SVIL: variants seen among roughly 807,000 people sequenced by gnomAD.
SVIL encodes the protein archvillin.
A neutral mutation model predicts 240.4 loss-of-function variants in SVIL; 101 were observed. The observed-to-expected ratio is 0.42, with a 90% CI of 0.36 to 0.50. The LOEUF is 0.50. Among genes scored for constraint, SVIL ranks in the 20% least tolerant of loss-of-function variants. The pLI is 0.01. For missense variants in SVIL, 2,512 were observed against 2,818.7 expected, an observed-to-expected ratio of 0.89 and a Z score of 2.46; for synonymous variants, 999 against 1,100.0, an observed-to-expected ratio of 0.91 and a Z score of 1.82.
At chr10:29,551,593 T>C (rs1953342797) in intron 5 of SVIL, among the ~76,000 whole-genome samples, 1 of 152,176 alleles carries the variant, frequency 6.6e-6, no homozygotes, top group Non-Finnish European at 1.5e-5. Flanking sequence ...TTACCCTTTT[T>C]TGTGGAGTTC....
rs1441423768 is a variant in SVIL, at chr10:29,458,439, A to AGTC, written c.6550_6552dup (p.Asp2184dup). 1.3e-6 allele frequency: 2 copies of AGTC among 1,585,016 alleles called. No individual in the cohort carries two copies. Among genetic ancestry groups the AGTC allele is most frequent in the Admixed American group, 3.5e-5 (2 of 57,288 alleles). ...CCACCGGAAGAACCGCTTACCTCGA[A>AGTC]GTCTTCGTCGGTGAGATAGATCTCA... is the stretch of plus-strand genomic sequence containing the variant. On this transcript the variant is annotated inframe_insertion, in exon 37 of 38. Transcript: ENST00000355867.
chr10:29,637,177 C>T (rs192476153), upstream of SVIL, among the ~76,000 whole-genome samples: 88 of 152,122 alleles, frequency 5.8e-4, no homozygotes, highest in African/African-American at 2.0e-3. Flanking sequence ...AGCTAAAAAC[C>T]ATCTTGAAAA....
intron 6 of SVIL, among the ~76,000 whole-genome samples, chr10:29,540,335 C>T (rs1427915519): frequency 5.3e-5 from 8 of 152,162 alleles, no homozygotes; most frequent in African/African-American, 1.7e-4. Context: ...AGAGAGACTT[C>T]GTTCACATTC....
chr10:29,478,168 T>A (rs1431485856), intron 29 of SVIL, among the ~76,000 whole-genome samples: 1 of 152,216 alleles, frequency 6.6e-6, no homozygotes, highest in Non-Finnish European at 1.5e-5. Context: ...CTCAATTCCC[T>A]ATTATTATTG....
At chr10:29,726,468 C>G (rs1420327374) in intron 1 of SVIL, among the ~76,000 whole-genome samples, 1 of 152,054 alleles carries the variant, frequency 6.6e-6, no homozygotes, top group African/African-American at 2.4e-5. Context: ...TAACTGTGGC[C>G]GGGCACGGTG....
At chr10:29,513,983 TAAAAA>T (rs35208566) in intron 16 of SVIL, among the ~76,000 whole-genome samples, 1 of 127,118 alleles carries the variant, frequency 7.9e-6, no homozygotes. Context: ...AGATAAAAGG[TAAAAA>T]AAAAAAAAAA....
chr10:29,551,079 C>A lies in SVIL; in HGVS notation c.345G>T (p.Gln115His). Residue 115 changes from glutamine (Q) to histidine (H), a missense_variant, in exon 6 of 38, where the codon CAG (glutamine) becomes CAT (histidine). Physicochemically the swap from Gln to His is conservative, Grantham distance 24 (BLOSUM62 0). Around this residue, in one of 3 missense-constraint regions of SVIL, gnomAD observed 1,443 missense variants for 1,486.6 expected, o/e 0.97. Coordinates refer to ENST00000355867, the MANE Select transcript of SVIL (RefSeq NM_021738.3). Reference protein sequence around the residue: ...IARYKAERRRQLAEKYGLTLD... With the variant: ...IARYKAERRRHLAEKYGLTLD... ...GAGTCAGCCCATACTTCTCTGCCAG[C>A]TGTCGCCTTCTTTCTGCTTTGTACC... 2 of 1,614,186 alleles carry A rather than the reference C, an allele frequency of 1.2e-6. No individual in the cohort carries two copies.
At chr10:29,618,059 T>C (rs1436144230) in intron 1 of SVIL, among the ~76,000 whole-genome samples, 1 of 152,168 alleles carries the variant, frequency 6.6e-6, no homozygotes, top group Non-Finnish European at 1.5e-5. Context: ...AGGAGCTCGC[T>C]GACACAGGCA....
intron 1 of SVIL, among the ~76,000 whole-genome samples, chr10:29,571,986 G>A (rs1955444287): frequency 2.6e-5 from 4 of 152,116 alleles, no homozygotes; most frequent in Admixed American, 2.6e-4. Flanking sequence ...CACTGTACCT[G>A]GTGCACAGTA....
chr10:29,576,204 C>T, intron 1 of SVIL: 1 of 760,458 alleles, frequency 1.3e-6, no homozygotes, highest in African/African-American at 1.9e-5. Context: ...ATAAGAATGA[C>T]AATCAGGGCC....
Position 29,676,823 on chromosome 10 carries a change from C to T in SVIL, c.-301+9730G>A, listed in dbSNP as rs137880922. On this transcript the variant is annotated intron_variant, in intron 2 of 35. Transcript: ENST00000375400. ...TAACGCCCATTTGGCCGTTTGGAGT[C>T]GATTTTCCACCCCTCTTTTCCTACT... 2.1e-3 allele frequency among the ~76,000 whole-genome samples: 319 copies of T among 152,294 alleles called. 2 individuals are homozygous for T. The highest frequency in any genetic ancestry group is 3.5e-3 in the Non-Finnish European group (241 of 68,018).
chr10:29,736,377 C>G (rs1399223372), upstream of SVIL, among the ~76,000 whole-genome samples: 1 of 152,242 alleles, frequency 6.6e-6, no homozygotes, highest in Non-Finnish European at 1.5e-5. Flanking sequence ...CCCCCCGGTC[C>G]CAGGGCTGGG....
rs55843963 is a variant in SVIL at position 29,550,444 on chromosome 10, G to GA, written c.827+152dup. Among the ~76,000 whole-genome samples, 39,878 of 132,572 alleles carry GA rather than the reference G, an allele frequency of 0.3. 5,442 individuals are homozygous for GA. The highest frequency in any genetic ancestry group is 0.34 in the East Asian group (1,567 of 4,550). 87.0% of individuals were successfully genotyped at this position (132,572 alleles called of 152,430 possible). On this transcript the variant is annotated intron_variant, in intron 6 of 37. Coordinates refer to ENST00000355867, the MANE Select transcript of SVIL (RefSeq NM_021738.3). ...GCAACAGAGTGGGACCCTGTCTTCA[G>GA]AAAAAAAAAAAAAAGAATCATATAC...
At chr10:29,611,765 C>G (rs1957252677) in intron 1 of SVIL, among the ~76,000 whole-genome samples, 1 of 152,194 alleles carries the variant, frequency 6.6e-6, no homozygotes, top group African/African-American at 2.4e-5. Context: ...AACTTCTGGT[C>G]TCAACCAGTC....
intron 1 of SVIL, among the ~76,000 whole-genome samples, chr10:29,725,664 G>A (rs1964243602): frequency 1.3e-5 from 2 of 152,296 alleles, no homozygotes; most frequent in South Asian, 4.1e-4. Context: ...GCTGCTGGTT[G>A]CGATGCACAG....
chr10:29,682,613 G>C (rs1960749718), intron 2 of SVIL, among the ~76,000 whole-genome samples: 2 of 152,136 alleles, frequency 1.3e-5, no homozygotes, highest in African/African-American at 2.4e-5. Context: ...AACATGCAAA[G>C]GACAAAATGA....
At position 29,522,483 on chromosome 10, in the gene SVIL, C is replaced by T; in HGVS notation, c.3316G>A (p.Ala1106Thr). ...LCKNPCAMFA[A>T]GEIKTPTGEG... ...CCTGTCGGCGTTTTGATCTCTCCAG[C>T]AGCAAACATCGCACATGGATTCTTG... Residue 1106 changes from alanine (A) to threonine (T), a missense_variant, in exon 16 of 38, where the codon GCT (alanine) becomes ACT (threonine). Ala to Thr is a moderately conservative substitution (Grantham distance 58, BLOSUM62 0). Coordinates refer to ENST00000355867, the MANE Select transcript of SVIL (RefSeq NM_021738.3). 6.2e-7 allele frequency: 1 copy of T among 1,614,256 alleles called. No homozygotes were observed.
intron 16 of SVIL, among the ~76,000 whole-genome samples, chr10:29,516,997 G>C (rs531307814): frequency 6.6e-6 from 1 of 152,314 alleles, no homozygotes; most frequent in Admixed American, 6.5e-5. Flanking sequence ...GCACCCCATA[G>C]ATCTCTGATA....
intron 1 of SVIL, among the ~76,000 whole-genome samples, chr10:29,731,947 C>T (rs1311164657): frequency 3.9e-5 from 6 of 152,250 alleles, no homozygotes; most frequent in African/African-American, 9.6e-5. Context: ...TCCAAAATAA[C>T]GCCGCCTGTT....
Sources: allele counts gnomAD v4.1 joint callset (sites outside exome capture counted in the v4.1 genomes callset), GRCh38; gene constraint gnomAD v4.1.1; regional missense constraint gnomAD v4.1.1; transcripts MANE v1.5; gene names NCBI Gene and HGNC (gene_info 2026-07-23, HGNC 2026-07-21).